Variants in UNC13C observed in about 807,000 individuals in gnomAD.
The protein encoded by UNC13C is unc-13 homolog C.
In UNC13C, 174 loss-of-function variants were observed where a neutral mutation model predicts 245.4. That is an observed-to-expected ratio of 0.71 (90% CI 0.63 to 0.80). The LOEUF is 0.80. Among genes scored for constraint, UNC13C ranks in the 30% least tolerant of loss-of-function variants. The probability of loss-of-function intolerance (pLI) is 0.00; values close to 1 mark genes in which losing one functional copy is unlikely to be tolerated. For synonymous variants in UNC13C, 992 were observed against 895.1 expected (o/e 1.11, Z -1.93); for missense variants, 2,829 against 2,602.9 (o/e 1.09, Z -1.89).
At chr15:54,038,125 T>TAAAAA (rs1491459554) in intron 2 of UNC13C, among the ~76,000 whole-genome samples, 6 of 28,446 alleles carry the variant, frequency 2.1e-4, no homozygotes, top group African/African-American at 9.3e-4. Context: ...TATATATATA[T>TAAAAA]TTTTTTTTTT....
In UNC13C at chr15:54,532,898, T is replaced by C; in HGVS notation, c.5547-19T>C. 6.9e-7 allele frequency: 1 copy of C among 1,441,074 alleles called. No individual in the cohort carries two copies. Among genetic ancestry groups the C allele is most frequent in the Non-Finnish European group, 9.4e-7 (1 of 1,060,354 alleles). The allele number at this position is 1,441,074 out of a possible 1,614,324, so 89.3% of individuals were successfully genotyped here. A position where few individuals can be genotyped will look rare whatever the true frequency, so the allele number is the denominator to read the frequency against. On this transcript the variant is annotated intron_variant, in intron 25 of 32. Transcript: ENST00000260323. ...AAAATGTATTCTTATATTTTAGAATTTATATTCTTTATTTTTAGTTTCCAG... is the reference window on the plus strand; with the variant it reads ...AAAATGTATTCTTATATTTTAGAATCTATATTCTTTATTTTTAGTTTCCAG...
At chr15:54,469,411 A>G (rs1054447167) in intron 19 of UNC13C, among the ~76,000 whole-genome samples, 1 of 151,306 alleles carries the variant, frequency 6.6e-6, no homozygotes, top group Admixed American at 6.6e-5. Flanking sequence ...GATGCCTTTC[A>G]TTTCCTTCTG....
At chr15:53,967,808 C>T in the UNC13C span, among the ~76,000 whole-genome samples, 5 of 152,112 alleles carry the variant, frequency 3.3e-5, no homozygotes, top group Non-Finnish European at 5.9e-5. Context: ...TGTTGAAATT[C>T]GTTTGGTGGT....
At chr15:54,070,891 T>C (rs961727188) in intron 2 of UNC13C, among the ~76,000 whole-genome samples, 5 of 152,226 alleles carry the variant, frequency 3.3e-5, no homozygotes, top group African/African-American at 1.2e-4. Context: ...AGTCCAGTTT[T>C]ATTTTAATAG....
At chr15:54,246,801 G>A (rs1201059117) in intron 7 of UNC13C, among the ~76,000 whole-genome samples, 1 of 152,088 alleles carries the variant, frequency 6.6e-6, no homozygotes, top group Non-Finnish European at 1.5e-5. Flanking sequence ...GCTAATGGAT[G>A]CTGGGCTTAA....
At chr15:54,214,622 T>C (rs1329982892) in intron 4 of UNC13C, among the ~76,000 whole-genome samples, 1 of 151,972 alleles carries the variant, frequency 6.6e-6, no homozygotes, top group Non-Finnish European at 1.5e-5. Context: ...GATAGTGTGA[T>C]TAAAAGGAAT....
chr15:54,139,908 C>G (rs2141231028), intron 2 of UNC13C, among the ~76,000 whole-genome samples: 1 of 152,194 alleles, frequency 6.6e-6, no homozygotes, highest in East Asian at 1.9e-4. Context: ...ATTATAGATA[C>G]TTAACCTATT....
At chr15:54,337,341 A>G (rs1378347894) in intron 16 of UNC13C, among the ~76,000 whole-genome samples, 1 of 152,196 alleles carries the variant, frequency 6.6e-6, no homozygotes, top group African/African-American at 2.4e-5. Context: ...TCTAACCAGA[A>G]CTTTTCCACA....
chr15:54,446,361 T>C (rs1284401123), intron 19 of UNC13C, among the ~76,000 whole-genome samples: 2 of 152,224 alleles, frequency 1.3e-5, no homozygotes, highest in African/African-American at 2.4e-5. Flanking sequence ...GGGGATGGCA[T>C]TGAATCTATA....
chr15:54,136,659 C>T (rs1386347811), intron 2 of UNC13C, among the ~76,000 whole-genome samples: 3 of 151,918 alleles, frequency 2.0e-5, no homozygotes, highest in Non-Finnish European at 2.9e-5. Flanking sequence ...TTTTCACTGT[C>T]GAGTATGATG....
chr15:54,227,518 C>A (rs536707367), intron 4 of UNC13C, among the ~76,000 whole-genome samples: 30 of 152,340 alleles, frequency 2.0e-4, no homozygotes, highest in African/African-American at 7.0e-4. Context: ...TTCCTGAGCT[C>A]TTTGGTGCCT....
chr15:53,940,798 C>G, the UNC13C span, among the ~76,000 whole-genome samples: 10 of 152,130 alleles, frequency 6.6e-5, no homozygotes, highest in Non-Finnish European at 1.5e-4. Context: ...CTACAAACCA[C>G]TGCTCAAGGA....
At chr15:54,572,061 G>A (rs932292297) in intron 30 of UNC13C, among the ~76,000 whole-genome samples, 3 of 151,930 alleles carry the variant, frequency 2.0e-5, no homozygotes, top group Non-Finnish European at 4.4e-5. Context: ...TCCCCAGGCA[G>A]ACCACTTACC....
intron 2 of UNC13C, among the ~76,000 whole-genome samples, chr15:54,028,815 C>G (rs985319062): frequency 6.6e-6 from 1 of 151,814 alleles, no homozygotes; most frequent in African/African-American, 2.4e-5. Flanking sequence ...CTCAGCCTCC[C>G]GAGTAGCTGG....
chr15:54,172,159 T>C (rs1212926318), intron 4 of UNC13C, among the ~76,000 whole-genome samples: 2 of 151,482 alleles, frequency 1.3e-5, no homozygotes, highest in East Asian at 3.9e-4. Flanking sequence ...AAAAATAGAG[T>C]TAGATAGAAG....
At chr15:54,618,290 C>G (rs1425769669) in intron 30 of UNC13C, among the ~76,000 whole-genome samples, 2 of 152,152 alleles carry the variant, frequency 1.3e-5, no homozygotes, top group African/African-American at 4.8e-5. Context: ...CACAAGGGCA[C>G]TACTCATTCT....
At chr15:54,372,444 C>T (rs915091364) in intron 17 of UNC13C, among the ~76,000 whole-genome samples, 3 of 152,006 alleles carry the variant, frequency 2.0e-5, no homozygotes, top group African/African-American at 7.2e-5. Flanking sequence ...CACCTTAATA[C>T]TCGTGACCCA....
intron 30 of UNC13C, among the ~76,000 whole-genome samples, chr15:54,612,435 ATC>A (rs1314050913): frequency 3.3e-5 from 5 of 151,972 alleles, no homozygotes; most frequent in African/African-American, 1.2e-4. Context: ...TCTCTGTAAC[ATC>A]TGTTACAAAA....
Position 54,015,422 on chromosome 15 carries a change from C to T in UNC13C, c.2519C>T (p.Thr840Ile). 6.2e-7 allele frequency: 1 copy of T among 1,613,660 alleles called. No individual in the cohort carries two copies. The highest frequency in any genetic ancestry group is 2.2e-5 in the East Asian group (1 of 44,854). The change falls in exon 2 of 33, where the codon ACT becomes ATT. Residue 840 changes from threonine (T) to isoleucine (I), a missense_variant. Coordinates refer to ENST00000260323, the MANE Select transcript of UNC13C (RefSeq NM_001080534.3). ...AGATTTCGGACATTATCTCAATCAACTGCAAATGAGTCAAGTACCACACTT... is the reference window on the plus strand; with the variant it reads ...AGATTTCGGACATTATCTCAATCAATTGCAAATGAGTCAAGTACCACACTT... The part of the protein sequence containing the change: ...MGRFRTLSQS[T>I]ANESSTTLDS...
Sources: gnomAD v4.1 joint callset for allele counts (sites outside exome capture counted in the v4.1 genomes callset) on GRCh38, gnomAD v4.1.1 for gene constraint, MANE v1.5 for transcripts, NCBI Gene and HGNC (gene_info 2026-07-23, HGNC 2026-07-21) for gene names.